Variants in FHIT observed in about 807,000 individuals in gnomAD.
The protein encoded by FHIT is bis(5'-adenosyl)-triphosphatase.
A neutral mutation model predicts 17.9 loss-of-function variants in FHIT; 19 were observed. That is an observed-to-expected ratio of 1.06 (90% CI 0.74 to 1.56). The LOEUF is 1.56. Among genes scored for constraint, FHIT ranks in the 40% most tolerant of loss-of-function variants. The pLI is 0.00. For missense variants in FHIT, 248 were observed against 189.2 expected, an observed-to-expected ratio of 1.31 and a Z score of -1.82; for synonymous variants, 81 against 69.7, an observed-to-expected ratio of 1.16 and a Z score of -0.81.
intron 8 of FHIT, among the ~76,000 whole-genome samples, chr3:59,758,642 G>C (rs1047407951): frequency 6.6e-6 from 1 of 152,178 alleles, no homozygotes; most frequent in Non-Finnish European, 1.5e-5. Context: ...AGACTGGCTA[G>C]AATATAATAA....
chr3:60,522,048 A>G (rs1378880207), intron 5 of FHIT, among the ~76,000 whole-genome samples: 1 of 151,032 alleles, frequency 6.6e-6, no homozygotes, highest in African/African-American at 2.4e-5. Context: ...TGGCAGGTGA[A>G]GGTCAGAGGA....
intron 8 of FHIT, among the ~76,000 whole-genome samples, chr3:59,771,926 A>G (rs1702090548): frequency 1.3e-5 from 2 of 152,220 alleles, no homozygotes; most frequent in African/African-American, 4.8e-5. Context: ...TGAAATTTCT[A>G]GAAGGTTTGT....
chr3:60,467,056 C>T (rs1357807206), intron 5 of FHIT, among the ~76,000 whole-genome samples: 1 of 151,826 alleles, frequency 6.6e-6, no homozygotes, highest in Non-Finnish European at 1.5e-5. Flanking sequence ...ATTACTTCGT[C>T]TGTTCAGGTT....
chr3:60,540,906 G>A (rs2036165402), intron 4 of FHIT, among the ~76,000 whole-genome samples: 1 of 152,156 alleles, frequency 6.6e-6, no homozygotes, highest in Non-Finnish European at 1.5e-5. Context: ...TTCTCAAGGT[G>A]ACGTCCCTCC....
intron 4 of FHIT, among the ~76,000 whole-genome samples, chr3:60,738,058 G>A (rs1227745548): frequency 6.6e-6 from 1 of 152,092 alleles, no homozygotes; most frequent in Non-Finnish European, 1.5e-5. Context: ...GCTCGGCTGT[G>A]GGACTCTGCA....
chr3:59,964,440 C>T (rs190990002), intron 7 of FHIT, among the ~76,000 whole-genome samples: 1 of 151,984 alleles, frequency 6.6e-6, no homozygotes, highest in African/African-American at 2.4e-5. Context: ...CATCCATTAC[C>T]CCATGTGATG....
intron 8 of FHIT, among the ~76,000 whole-genome samples, chr3:59,795,755 A>G (rs1307235433): frequency 3.3e-5 from 5 of 152,186 alleles, no homozygotes; most frequent in South Asian, 2.1e-4. Context: ...TTAATAAATA[A>G]AAAGTAAAAA....
At chr3:60,261,830 T>A (rs570826579) in intron 5 of FHIT, among the ~76,000 whole-genome samples, 1 of 152,032 alleles carries the variant, frequency 6.6e-6, no homozygotes, top group African/African-American at 2.4e-5. Flanking sequence ...TCATTAAGAC[T>A]CCCATTTCAG....
At chr3:60,684,675 C>T (rs141283825) in intron 4 of FHIT, among the ~76,000 whole-genome samples, 6 of 152,090 alleles carry the variant, frequency 3.9e-5, no homozygotes, top group East Asian at 1.9e-4. Flanking sequence ...ATTGCGCATC[C>T]GTGACTTCCT....
chr3:60,497,214 CA>C (rs1303432533), intron 5 of FHIT, among the ~76,000 whole-genome samples: 2 of 151,842 alleles, frequency 1.3e-5, no homozygotes, highest in Non-Finnish European at 2.9e-5. Flanking sequence ...TTATCTGGTC[CA>C]AAATGGCAAT....
chr3:59,754,011 A>C (rs1701065076), intron 8 of FHIT, among the ~76,000 whole-genome samples: 1 of 151,718 alleles, frequency 6.6e-6, no homozygotes, highest in Non-Finnish European at 1.5e-5. Flanking sequence ...CCAACTCAGC[A>C]AAAAGTCTAT....
At chr3:60,067,045 A>T (rs561101838) in intron 5 of FHIT, among the ~76,000 whole-genome samples, 50 of 152,214 alleles carry the variant, frequency 3.3e-4, no homozygotes, top group African/African-American at 1.2e-3. Flanking sequence ...ATTCTCATGA[A>T]GTACTAGAAA....
At chr3:61,041,195 AT>A (rs1161246299) in intron 3 of FHIT, among the ~76,000 whole-genome samples, 1 of 152,088 alleles carries the variant, frequency 6.6e-6, no homozygotes. Context: ...CCTGGCCAAC[AT>A]GCGGAAACCC....
chr3:60,254,457 G>T (rs1194993086), intron 5 of FHIT, among the ~76,000 whole-genome samples: 1 of 152,114 alleles, frequency 6.6e-6, no homozygotes, highest in Non-Finnish European at 1.5e-5. Flanking sequence ...CAAGAAGGTG[G>T]TGGCAGGAAA....
intron 4 of FHIT, among the ~76,000 whole-genome samples, chr3:60,649,669 G>A (rs1434852665): frequency 1.3e-5 from 2 of 152,148 alleles, no homozygotes; most frequent in South Asian, 2.1e-4. Context: ...ACGTGTGGGA[G>A]AAAATCCTGC....
chr3:59,795,328 G>A (rs1237798543), intron 8 of FHIT, among the ~76,000 whole-genome samples: 1 of 151,832 alleles, frequency 6.6e-6, no homozygotes, highest in African/African-American at 2.4e-5. Context: ...AGGCTGCAGT[G>A]AGCCGAGATT....
chr3:60,478,686 T>C lies in FHIT; in HGVS notation c.103+58174A>G, dbSNP rs536482934. 6.6e-5 allele frequency among the ~76,000 whole-genome samples: 10 copies of C among 152,346 alleles called. No individual in the cohort carries two copies. The East Asian group carries it at 1.9e-3, about 29-fold the overall frequency. The stretch of plus-strand genomic sequence containing the variant: ...GATACAGTCATTACATATAACCTTT[T>C]TCTCCCACTATATTGCATGCTGCTT... On this transcript the variant is annotated intron_variant, in intron 5 of 9. Coordinates refer to ENST00000492590, the MANE Select transcript of FHIT (RefSeq NM_002012.4).
chr3:61,186,320 G>A (rs551590492), intron 2 of FHIT, among the ~76,000 whole-genome samples: 1 of 152,200 alleles, frequency 6.6e-6, no homozygotes, highest in Non-Finnish European at 1.5e-5. Flanking sequence ...GCAAGATTAA[G>A]TAGAATTAAG....
At chr3:60,423,759 C>A (rs1313313020) in intron 5 of FHIT, among the ~76,000 whole-genome samples, 1 of 152,128 alleles carries the variant, frequency 6.6e-6, no homozygotes, top group Non-Finnish European at 1.5e-5. Context: ...CATTAGCACA[C>A]CTGAAACTAC....
Sources: allele counts gnomAD v4.1 joint callset (sites outside exome capture counted in the v4.1 genomes callset), GRCh38; gene constraint gnomAD v4.1.1; transcripts MANE v1.5; gene names NCBI Gene and HGNC (gene_info 2026-07-23, HGNC 2026-07-21).